Variants in HAO2 observed in about 807,000 individuals in gnomAD.
HAO2 encodes hydroxyacid oxidase 2.
Under a neutral mutation model 37.4 loss-of-function variants are expected in HAO2, and 42 were observed. That is an observed-to-expected ratio of 1.12 (90% confidence interval 0.88 to 1.45). The LOEUF (loss-of-function observed/expected upper bound fraction) is 1.45, where lower values mean the gene tolerates loss of function less well. HAO2 is among the 40% of genes most tolerant of loss of function. The pLI, the probability that HAO2 is intolerant of heterozygous loss-of-function variation, is 0.00. For synonymous variants in HAO2, 180 were observed against 162.8 expected (o/e 1.11, Z -0.81); for missense variants, 476 against 430.2 (o/e 1.11, Z -0.94).
At chr1:119,377,470 C>G (rs893680067) in intron 1 of HAO2, among the ~76,000 whole-genome samples, 4 of 152,220 alleles carry the variant, frequency 2.6e-5, no homozygotes, top group African/African-American at 9.6e-5. Context: ...CTGTCTTCTT[C>G]TAAGCCCTCC....
Position 119,384,889 on chromosome 1 carries a change from C to A in HAO2, c.397C>A (p.Pro133Thr). The change falls in exon 4 of 8, where the codon CCA becomes ACA. Residue 133 changes from proline (P) to threonine (T), a missense_variant. Pro to Thr is a conservative substitution (Grantham distance 38). Transcript: ENST00000325945. ...CCGATGGTTCCAACTCTATGTGCATCCAGACCTGCAGCTGAACAAACAGTT... is the reference window on the plus strand; with the variant it reads ...CCGATGGTTCCAACTCTATGTGCATACAGACCTGCAGCTGAACAAACAGTT... ...GLRWFQLYVHPDLQLNKQLIQ... is the reference protein window; with the variant it reads ...GLRWFQLYVHTDLQLNKQLIQ... The A allele has an allele frequency of 6.2e-7, 1 of 1,613,892 alleles. No individual in the cohort carries two copies. The highest frequency in any genetic ancestry group is 8.5e-7 in the Non-Finnish European group (1 of 1,179,788).
In HAO2 at chr1:119,376,838, C is replaced by G. The variant is rs587599462; in HGVS notation, c.-8-4240C>G. On this transcript the variant is annotated intron_variant, in intron 1 of 7. Coordinates refer to ENST00000325945, the MANE Select transcript of HAO2 (RefSeq NM_016527.4). The stretch of plus-strand genomic sequence containing the variant: ...AGCCATGGCTGGAACACAGGGCAAC[C>G]AGTCCTGAGACTGCACAAAGCAGCA... Among the ~76,000 whole-genome samples the G allele has an allele frequency of 6.8e-4, 103 of 152,280 alleles. 2 individuals carry two copies. Among genetic ancestry groups the G allele is most frequent in the African/African-American group, 2.4e-3 (101 of 41,544 alleles).
At chr1:119,380,717 T>C (rs374105859) in intron 1 of HAO2, 33 of 1,597,940 alleles carry the variant, frequency 2.1e-5, no homozygotes, top group Admixed American at 3.3e-5. Flanking sequence ...GTGGAGTGAA[T>C]GTGAAGGCAA....
At chr1:119,377,168 C>T (rs1345745767) in intron 1 of HAO2, among the ~76,000 whole-genome samples, 1 of 152,180 alleles carries the variant, frequency 6.6e-6, no homozygotes, top group African/African-American at 2.4e-5. Context: ...ATGCTGTTAA[C>T]AGCCCCCAAG....
At chr1:119,373,605 C>T (rs1649207338) in intron 1 of HAO2, among the ~76,000 whole-genome samples, 1 of 152,070 alleles carries the variant, frequency 6.6e-6, no homozygotes, top group South Asian at 2.1e-4. Context: ...TCAGAGTGAG[C>T]ATGTCCTTAA....
intron 1 of HAO2, among the ~76,000 whole-genome samples, chr1:119,372,583 T>C (rs1649119784): frequency 6.6e-6 from 1 of 152,180 alleles, no homozygotes. Context: ...ATCTGTGTAG[T>C]AAAACGGATT....
intron 5 of HAO2, among the ~76,000 whole-genome samples, chr1:119,391,758 G>A (rs587683168): frequency 2.0e-5 from 3 of 152,296 alleles, no homozygotes; most frequent in African/African-American, 7.2e-5. Context: ...AGAGAGAGTA[G>A]AAGAAAATCA....
rs2101210985 is a variant in HAO2 at position 119,381,136 on chromosome 1, G to A, written c.51G>A (p.Leu17=). The change falls in exon 2 of 8, where the codon CTG becomes CTA. Residue 17 remains leucine (L), a synonymous_variant. Coordinates refer to ENST00000325945, the MANE Select transcript of HAO2 (RefSeq NM_016527.4). ...TDFQAHAREQ[L]SKSTRDFIEG... is the part of the protein sequence containing the mutation. ...TTCAGGCCCATGCGCGAGAGCAGCT[G>A]TCTAAGTCAACTCGGGATTTTATTG... 1 of 1,610,182 alleles carries A rather than the reference G, an allele frequency of 6.2e-7. No homozygotes were observed. Among genetic ancestry groups the A allele is most frequent in the Non-Finnish European group, 8.5e-7 (1 of 1,176,332 alleles).
intron 1 of HAO2, among the ~76,000 whole-genome samples, chr1:119,372,387 G>A (rs998145362): frequency 3.3e-5 from 5 of 152,120 alleles, no homozygotes; most frequent in South Asian, 2.1e-4. Context: ...GGTCTAATGC[G>A]ACTTCAAAAT....
Position 119,386,799 on chromosome 1 carries a change from G to T in HAO2, c.739G>T (p.Gly247Cys). 6.2e-7 allele frequency: 1 copy of T among 1,613,346 alleles called. No individual in the cohort carries two copies. The highest frequency in any genetic ancestry group is 2.2e-5 in the East Asian group (1 of 44,852). The part of the protein sequence containing the change: ...NVQGIIVSNH[G>C]GRQLDEVLAS... ...CCAGGGTATCATTGTTTCCAACCAT[G>T]GTGGGAGGCAGCTTGATGAGGTTCT... The change falls in exon 5 of 8, where the codon GGT (glycine) becomes TGT (cysteine). Residue 247 changes from glycine to cysteine, a missense_variant. Transcript: ENST00000325945.
At chr1:119,371,168 C>G (rs894746485) in intron 1 of HAO2, among the ~76,000 whole-genome samples, 1 of 152,192 alleles carries the variant, frequency 6.6e-6, no homozygotes, top group Non-Finnish European at 1.5e-5. Flanking sequence ...CAGTAACACT[C>G]CATACTGGCT....
intron 1 of HAO2, among the ~76,000 whole-genome samples, chr1:119,379,402 G>T (rs1468468297): frequency 6.6e-6 from 1 of 152,082 alleles, no homozygotes; most frequent in Non-Finnish European, 1.5e-5. Context: ...ACCAACCAAG[G>T]TCCAATATTG....
At chr1:119,370,605 G>A (rs1003508832) in intron 1 of HAO2, among the ~76,000 whole-genome samples, 1 of 152,206 alleles carries the variant, frequency 6.6e-6, no homozygotes, top group African/African-American at 2.4e-5. Context: ...CAGAACCGTG[G>A]TGAGCCAGTA....
At chr1:119,373,384 C>A (rs150705056) in intron 1 of HAO2, among the ~76,000 whole-genome samples, 2 of 152,088 alleles carry the variant, frequency 1.3e-5, no homozygotes, top group African/African-American at 4.8e-5. Flanking sequence ...AGAGTCATAT[C>A]GTATTTCAGA....
rs1230420671 is a variant in HAO2, at chr1:119,392,116, G to T, written c.778G>T (p.Ala260Ser). Residue 260 changes from alanine to serine, a missense_variant, in exon 6 of 8, where the codon GCT (alanine) becomes TCT (serine). Transcript: ENST00000325945. ...QLDEVLASID[A>S]LTEVVAAVKG... Reference sequence around the variant, plus strand: ...ATGTGTATCTCCTTTTCAGATTGATGCTTTGACAGAAGTGGTGGCTGCTGT... The same window carrying T: ...ATGTGTATCTCCTTTTCAGATTGATTCTTTGACAGAAGTGGTGGCTGCTGT... 1.9e-6 allele frequency: 3 copies of T among 1,612,142 alleles called. No individual in the cohort carries two copies. In the African/African-American group the frequency reaches 4.0e-5, roughly 22 times the overall value.
intron 7 of HAO2, 99 bp from the exon 8 acceptor site, chr1:119,393,686 A>T: frequency 1.1e-6 from 1 of 918,140 alleles, no homozygotes; most frequent in Non-Finnish European, 1.8e-6. Context: ...GAGCACAAAG[A>T]TCAAGTCAGA....
At chr1:119,387,794 C>A (rs1032953086) in intron 5 of HAO2, among the ~76,000 whole-genome samples, 2 of 152,190 alleles carry the variant, frequency 1.3e-5, no homozygotes. Flanking sequence ...TGCCTCTAAT[C>A]TTTCCCTATT....
chr1:119,371,197 G>A (rs775516710), intron 1 of HAO2, among the ~76,000 whole-genome samples: 14 of 152,160 alleles, frequency 9.2e-5, no homozygotes, highest in Non-Finnish European at 1.5e-4. Context: ...TTGGAAACAA[G>A]TCAGAAGGAT....
At chr1:119,377,460 C>T (rs1235576514) in intron 1 of HAO2, among the ~76,000 whole-genome samples, 1 of 152,194 alleles carries the variant, frequency 6.6e-6, no homozygotes, top group Non-Finnish European at 1.5e-5. Context: ...CCACATCTTC[C>T]TGTCTTCTTC....
Sources: allele counts gnomAD v4.1 joint callset (sites outside exome capture counted in the v4.1 genomes callset), GRCh38; gene constraint gnomAD v4.1.1; transcripts MANE v1.5; gene names NCBI Gene and HGNC (gene_info 2026-07-23, HGNC 2026-07-21).